Variants in FAXDC2 observed in about 807,000 individuals in gnomAD.
FAXDC2 encodes fatty acid hydroxylase domain-containing protein 2.
A neutral mutation model predicts 40.9 loss-of-function variants in FAXDC2; 41 were observed. The observed-to-expected ratio is 1.00, with a 90% CI of 0.78 to 1.30. FAXDC2 has a LOEUF of 1.30. FAXDC2 is among the 50% of genes most tolerant of loss of function. FAXDC2 has a pLI of 0.00. For missense variants in FAXDC2, 390 were observed against 408.8 expected, an observed-to-expected ratio of 0.95 and a Z score of 0.40; for synonymous variants, 157 against 149.3, an observed-to-expected ratio of 1.05 and a Z score of -0.38.
Position 154,830,675 on chromosome 5 carries a change from G to T in FAXDC2, c.366+126C>A, listed in dbSNP as rs1183505428. On this transcript the variant is annotated intron_variant, in intron 5 of 8. Coordinates refer to ENST00000326080, the MANE Select transcript of FAXDC2 (RefSeq NM_032385.5). ...CTCTCTTTAACCTTCTAAACTGGGGGAGCCTTGTTGCTAATAACTTGGCTC... is the reference window on the plus strand; with the variant it reads ...CTCTCTTTAACCTTCTAAACTGGGGTAGCCTTGTTGCTAATAACTTGGCTC... 5 of 1,068,208 alleles carry T rather than the reference G, an allele frequency of 4.7e-6. No individual in the cohort carries two copies. The Middle Eastern group carries it at 1.1e-3, about 239-fold the overall frequency. The allele number at this position is 1,068,208 out of a possible 1,614,324, so 66.2% of individuals were successfully genotyped here.
intron 5 of FAXDC2, among the ~76,000 whole-genome samples, chr5:154,825,649 T>TAAAAAAAAAAAAAAAAAA (rs1760010015): frequency 3.8e-4 from 1 of 2,638 alleles, no homozygotes. Context: ...AGACTCCGTC[T>TAAAAAAAAAAAAAAAAAA]CAAAAAAAAA....
At chr5:154,824,660 T>C (rs1759977445) in intron 5 of FAXDC2, 2 of 680,084 alleles carry the variant, frequency 2.9e-6, no homozygotes, top group Non-Finnish European at 5.4e-6. Flanking sequence ...ATTTAACTGA[T>C]ATTTATTGAG....
intron 2 of FAXDC2, 102 bp downstream of exon 2, chr5:154,838,029 C>A: frequency 1.3e-6 from 1 of 796,484 alleles, no homozygotes; most frequent in East Asian, 2.5e-5. Context: ...GTCAGCCACC[C>A]CTAAACCTTG....
At chr5:154,834,519 T>C (rs1760269377) in intron 4 of FAXDC2, 106 bp downstream of exon 4, 2 of 821,142 alleles carry the variant, frequency 2.4e-6, no homozygotes, top group African/African-American at 3.5e-5. Context: ...CCTCATCCCT[T>C]GGAATAATAA....
At chr5:154,835,584 GTTTT>G (rs996305632) in intron 2 of FAXDC2, among the ~76,000 whole-genome samples, 1 of 151,822 alleles carries the variant, frequency 6.6e-6, no homozygotes, top group Non-Finnish European at 1.5e-5. Context: ...GACTTTTTTT[GTTTT>G]TTTGTTTTTT....
intron 5 of FAXDC2, among the ~76,000 whole-genome samples, chr5:154,828,897 C>T (rs139857612): frequency 6.5e-4 from 97 of 148,456 alleles, no homozygotes; most frequent in Admixed American, 1.6e-3. Flanking sequence ...CACTGTGCCC[C>T]AGCCTGCGTA....
chr5:154,837,185 C>G lies in FAXDC2; in HGVS notation c.48+946G>C, dbSNP rs1361609480. Among the ~76,000 whole-genome samples, 4 of 152,288 alleles carry G rather than the reference C, an allele frequency of 2.6e-5. No homozygotes were observed. In the East Asian group the frequency reaches 7.7e-4, roughly 29 times the overall value. On this transcript the variant is annotated intron_variant, in intron 2 of 8. Transcript: ENST00000326080. ...TGAGCTTTGGAAATGAGCATGCTCA[C>G]TCACTGACTCGCATTCTCTCACGTG...
intron 1 of FAXDC2, chr5:154,838,808 AG>A (rs1445521940): frequency 1.3e-5 from 2 of 152,496 alleles, no homozygotes; most frequent in Non-Finnish European, 2.9e-5. Flanking sequence ...CGTGTTAGCC[AG>A]GATGGTCTCG....
chr5:154,848,114 C>T (rs1335202591), intron 1 of FAXDC2, among the ~76,000 whole-genome samples: 1 of 152,232 alleles, frequency 6.6e-6, no homozygotes, highest in Non-Finnish European at 1.5e-5. Flanking sequence ...GCTGGGATTA[C>T]AGGCGTGAGC....
chr5:154,831,018 C>A, intron 4 of FAXDC2, 96 bp from the exon 5 acceptor site: 2 of 1,473,640 alleles, frequency 1.4e-6, no homozygotes, highest in South Asian at 2.4e-5. Flanking sequence ...GAGGCTTCAT[C>A]CTAGACATTT....
chr5:154,833,960 G>A (rs143044920), intron 4 of FAXDC2, among the ~76,000 whole-genome samples: 40 of 151,608 alleles, frequency 2.6e-4, no homozygotes, highest in South Asian at 4.2e-4. Flanking sequence ...CAGCCACCAC[G>A]CCTGGCCTCC....
intron 1 of FAXDC2, 25 bp from the exon 2 acceptor site, chr5:154,838,203 C>T: frequency 6.2e-7 from 1 of 1,609,832 alleles, no homozygotes; most frequent in Non-Finnish European, 8.5e-7. Context: ...CACAGGCGAG[C>T]CGGGGAGTTA....
chr5:154,825,552 G>A lies in FAXDC2; in HGVS notation c.367-1960C>T, dbSNP rs754088754. 3.1e-4 allele frequency among the ~76,000 whole-genome samples: 46 copies of A among 149,424 alleles called. 1 individual carries two copies. Among genetic ancestry groups the A allele is most frequent in the Non-Finnish European group, 7.4e-5 (5 of 67,696 alleles). ...TGCGCCTGTAATCCCAGCTACTCAGGAGGCTGAGGCAGGAGAATCACTTGA... is the reference window on the plus strand; with the variant it reads ...TGCGCCTGTAATCCCAGCTACTCAGAAGGCTGAGGCAGGAGAATCACTTGA... On this transcript the variant is annotated intron_variant, in intron 5 of 8. Transcript: ENST00000326080.
Position 154,818,742 on chromosome 5 carries a change from A to G in FAXDC2, c.*1574T>C. The stretch of plus-strand genomic sequence containing the variant: ...AGGCCTTAAAGGGGAAAAAAACCGT[A>G]TCTGTTCTTTCTCCTTATCTCCTAC... On this transcript the variant is annotated 3_prime_UTR_variant, in exon 9 of 9. Coordinates refer to ENST00000326080, the MANE Select transcript of FAXDC2 (RefSeq NM_032385.5). 1 of 152,214 alleles carries G rather than the reference A, an allele frequency of 6.6e-6. No homozygotes were observed. Among genetic ancestry groups the G allele is most frequent in the East Asian group, 1.9e-4 (1 of 5,206 alleles). 9.4% of individuals were successfully genotyped at this position (152,214 alleles called of 1,614,324 possible).
At chr5:154,843,904 T>C (rs1485576315) in intron 1 of FAXDC2, among the ~76,000 whole-genome samples, 2 of 152,148 alleles carry the variant, frequency 1.3e-5, no homozygotes, top group Admixed American at 6.6e-5. Context: ...GGCAGGAGGA[T>C]TGCTTAAGCC....
chr5:154,839,426 T>C (rs1032100753), intron 1 of FAXDC2, among the ~76,000 whole-genome samples: 1 of 151,692 alleles, frequency 6.6e-6, no homozygotes, highest in Non-Finnish European at 1.5e-5. Flanking sequence ...GAGGATCATT[T>C]GAGTCCTGGA....
At chr5:154,843,345 T>C (rs1421256853) in intron 1 of FAXDC2, among the ~76,000 whole-genome samples, 1 of 152,232 alleles carries the variant, frequency 6.6e-6, no homozygotes, top group Non-Finnish European at 1.5e-5. Context: ...TGGCCTTTGA[T>C]CTTTAGGAGC....
chr5:154,846,268 TAGTG>T lies in FAXDC2; in HGVS notation c.-1+4211_-1+4214del, dbSNP rs755293395. ...TATTAGCCATGAATAGTGAACTAGA[TAGTG>T]TGTGTGTGTGTGTGTGTGTGTGTGT... On this transcript the variant is annotated intron_variant, in intron 1 of 8. Transcript: ENST00000326080. 2.0e-3 allele frequency among the ~76,000 whole-genome samples: 239 copies of T among 118,364 alleles called. 1 individual carries two copies. The highest frequency in any genetic ancestry group is 3.6e-3 in the Non-Finnish European group (196 of 54,682). The allele number at this position is 118,364 out of a possible 152,430, so 77.7% of individuals were successfully genotyped here.
intron 5 of FAXDC2, among the ~76,000 whole-genome samples, chr5:154,828,977 T>C (rs933355155): frequency 8.6e-5 from 13 of 150,494 alleles, no homozygotes; most frequent in African/African-American, 2.7e-4. Context: ...TGGAGTGCAG[T>C]GGTGCAATCT....
Sources: allele counts gnomAD v4.1 joint callset (sites outside exome capture counted in the v4.1 genomes callset), GRCh38; gene constraint gnomAD v4.1.1; transcripts MANE v1.5; gene names NCBI Gene and HGNC (gene_info 2026-07-23, HGNC 2026-07-21).